The following INTS6L variants were observed in gnomAD, a reference collection of about 807,000 sequenced individuals.
INTS6L encodes the protein integrator complex subunit 6 like.
Under a neutral mutation model 64.7 loss-of-function variants are expected in INTS6L, and 18 were observed. That is an observed-to-expected ratio of 0.28 (90% CI 0.19 to 0.41). The LOEUF is 0.41. Among genes scored for constraint, INTS6L ranks in the 10% least tolerant of loss-of-function variants. The pLI, the probability that INTS6L is intolerant of heterozygous loss-of-function variation, is 1.00. For synonymous variants in INTS6L, 227 were observed against 235.9 expected (o/e 0.96, Z 0.34); for missense variants, 533 against 661.0 (o/e 0.81, Z 2.12).
chrX:135,529,175 C>T (rs1392646151), intron 2 of INTS6L, among the ~76,000 whole-genome samples: 1 of 112,121 alleles, frequency 8.9e-6, no homozygotes, highest in African/African-American at 3.2e-5. Flanking sequence ...TTCATACTTT[C>T]AGTGTTATTA....
At chrX:135,553,784 G>C (rs2086569422) in intron 8 of INTS6L, among the ~76,000 whole-genome samples, 2 of 111,362 alleles carry the variant, frequency 1.8e-5, no homozygotes, top group East Asian at 5.6e-4. Context: ...TGAATTTATG[G>C]GTTGAAAAAC....
At position 135,537,099 on chromosome X, in the gene INTS6L, A is replaced by C. The variant is rs1049985261; in HGVS notation, c.190-8324A>C. Among the ~76,000 whole-genome samples the C allele has an allele frequency of 6.3e-5, 7 of 111,893 alleles. No homozygotes were observed. In the East Asian group the frequency reaches 1.7e-3, roughly 27 times the overall value. On this transcript the variant is annotated intron_variant, in intron 2 of 17. Coordinates refer to ENST00000639893, the MANE Select transcript of INTS6L (RefSeq NM_001351601.3). Reference sequence around the variant, plus strand: ...CCAACCAGTCAGATGAGAAGGTGGAAATGTGGGTGCAGAGGGTAATAGAAA... The same window carrying C: ...CCAACCAGTCAGATGAGAAGGTGGACATGTGGGTGCAGAGGGTAATAGAAA...
intron 2 of INTS6L, among the ~76,000 whole-genome samples, chrX:135,523,402 CA>C (rs782434658): frequency 0.031 from 1,131 of 36,844 alleles, 23 homozygotes; most frequent in African/African-American, 0.13. Flanking sequence ...ACTCTGTCGT[CA>C]AAAAAAAAAA....
chrX:135,570,660 T>C (rs1556527144), intron 11 of INTS6L, 114 bp downstream of exon 11: 1 of 839,263 alleles, frequency 1.2e-6, no homozygotes, highest in Non-Finnish European at 1.6e-6. Flanking sequence ...CTCTACACTT[T>C]ATGGATTAGT....
At chrX:135,541,724 A>G (rs1168119384) in intron 2 of INTS6L, among the ~76,000 whole-genome samples, 12 of 112,707 alleles carry the variant, frequency 1.1e-4, no homozygotes, top group African/African-American at 3.9e-4. Context: ...GTAAGAATGT[A>G]TGGAAGTTAT....
Position 135,580,084 on chromosome X carries a change from A to T in INTS6L, c.2416A>T (p.Ile806Phe). The change falls in exon 16 of 18, where the codon ATC becomes TTC. Residue 806 changes from isoleucine to phenylalanine, a missense_variant. By Grantham distance (21) the Ile-to-Phe change is conservative. Coordinates refer to ENST00000639893, the MANE Select transcript of INTS6L (RefSeq NM_001351601.3). ...TLGAMPNTLQ[I>F]TPAMAQGINA... Reference sequence around the variant, plus strand: ...GGGAGCTATGCCAAATACATTACAAATCACTCCTGCTATGGCACAAGGAAT... The same window carrying T: ...GGGAGCTATGCCAAATACATTACAATTCACTCCTGCTATGGCACAAGGAAT... The T allele has an allele frequency of 3.3e-6, 4 of 1,208,765 alleles. No individual in the cohort carries two copies. Among genetic ancestry groups the T allele is most frequent in the Non-Finnish European group, 4.5e-6 (4 of 893,408 alleles).
At chrX:135,576,981 A>G (rs1305018630) in intron 14 of INTS6L, among the ~76,000 whole-genome samples, 1 of 111,559 alleles carries the variant, frequency 9.0e-6, no homozygotes, top group Non-Finnish European at 1.9e-5. Flanking sequence ...TATTTCTAAG[A>G]ACAAAGTTGG....
rs182407769 is a variant in INTS6L, at chrX:135,560,065, C to A, written c.1192+3765C>A. ...AGCCCTCTGACAGATAGGTGACTTG[C>A]AAATACTTATTTAGATCTTTTTTGA... is the stretch of plus-strand genomic sequence containing the variant. On this transcript the variant is annotated intron_variant, in intron 9 of 17. Coordinates refer to ENST00000639893, the MANE Select transcript of INTS6L (RefSeq NM_001351601.3). Among the ~76,000 whole-genome samples, 837 of 112,196 alleles carry A rather than the reference C, an allele frequency of 7.5e-3. 11 individuals carry two copies. Among genetic ancestry groups the A allele is most frequent in the African/African-American group, 0.026 (799 of 30,919 alleles).
In INTS6L at chrX:135,546,893, C is replaced by A; in HGVS notation, c.613+8C>A. 8.3e-7 allele frequency: 1 copy of A among 1,199,648 alleles called. No individual in the cohort carries two copies. Among genetic ancestry groups the A allele is most frequent in the African/African-American group, 1.7e-5 (1 of 57,387 alleles). On this transcript the variant is annotated splice_region_variant and intron_variant, in intron 5 of 17. Transcript: ENST00000639893. ...TGTGTGAAGTCACAGGAGGTATTGG[C>A]AATATTTAATGTTTCTGAAGGAAAA... is the stretch of plus-strand genomic sequence containing the variant.
intron 9 of INTS6L, among the ~76,000 whole-genome samples, chrX:135,566,062 G>T (rs1267834089): frequency 2.7e-5 from 3 of 111,777 alleles, no homozygotes; most frequent in Non-Finnish European, 5.6e-5. Context: ...ATTCTCTGGG[G>T]AGTTTGACAT....
At chrX:135,580,980 T>A in intron 16 of INTS6L, 70 bp from the exon 17 acceptor site, 1 of 740,435 alleles carries the variant, frequency 1.4e-6, no homozygotes, top group Non-Finnish European at 1.9e-6. Flanking sequence ...TTACTAAGGA[T>A]GTACAACAAT....
chrX:135,571,497 A>G (rs1459559598), intron 11 of INTS6L: 1 of 111,380 alleles, frequency 9.0e-6, no homozygotes, highest in Non-Finnish European at 1.9e-5. Flanking sequence ...TGGGATGCCG[A>G]CACACCTTGC....
At position 135,546,754 on chromosome X, in the gene INTS6L, C is replaced by A; in HGVS notation, c.482C>A (p.Pro161His). The A allele has an allele frequency of 8.3e-7, 1 of 1,211,153 alleles. No homozygotes were observed. The highest frequency in any genetic ancestry group is 1.1e-6 in the Non-Finnish European group (1 of 895,184). Residue 161 changes from proline to histidine, a missense_variant, in exon 5 of 18, where the codon CCT (proline) becomes CAT (histidine). Physicochemically the swap from Pro to His is moderately conservative, Grantham distance 77 (BLOSUM62 -2). Transcript: ENST00000639893. Reference sequence around the variant, plus strand: ...CCTGGAAGTGAACTAACCAAAGAACCTTTTCGTTGGGATCAAAGGTTATTT... The same window carrying A: ...CCTGGAAGTGAACTAACCAAAGAACATTTTCGTTGGGATCAAAGGTTATTT... ...PLPGSELTKE[P>H]FRWDQRLFAL...
chrX:135,559,997 G>C (rs1247651865), intron 9 of INTS6L, among the ~76,000 whole-genome samples: 1 of 112,060 alleles, frequency 8.9e-6, no homozygotes, highest in African/African-American at 3.2e-5. Flanking sequence ...GTTTGCTTTT[G>C]TTACTGTTGA....
intron 2 of INTS6L, among the ~76,000 whole-genome samples, chrX:135,536,937 T>C (rs1556508926): frequency 8.9e-6 from 1 of 111,845 alleles, no homozygotes; most frequent in Non-Finnish European, 1.9e-5. Context: ...GTTCACATAT[T>C]GACAGACCTA....
chrX:135,562,518 G>T (rs946632450), intron 9 of INTS6L, among the ~76,000 whole-genome samples: 3 of 111,940 alleles, frequency 2.7e-5, no homozygotes, highest in African/African-American at 9.7e-5. Flanking sequence ...AATTGTTCCT[G>T]TTGGTTGATG....
intron 2 of INTS6L, among the ~76,000 whole-genome samples, chrX:135,522,236 T>C (rs1037721356): frequency 8.9e-6 from 1 of 112,154 alleles, no homozygotes; most frequent in Admixed American, 9.4e-5. Flanking sequence ...AGGGATCCGC[T>C]CTACCTATTT....
At chrX:135,535,263 A>T (rs1369036572) in intron 2 of INTS6L, among the ~76,000 whole-genome samples, 1 of 112,039 alleles carries the variant, frequency 8.9e-6, no homozygotes, top group Non-Finnish European at 1.9e-5. Flanking sequence ...AACCTCCTTT[A>T]TAGGTGTGCT....
chrX:135,556,386 T>C (rs2086649855), intron 9 of INTS6L, 86 bp downstream of exon 9: 3 of 835,644 alleles, frequency 3.6e-6, no homozygotes, highest in Non-Finnish European at 4.8e-6. Context: ...TAAATGTAGA[T>C]GACGGTAACA....
Sources: allele counts gnomAD v4.1 joint callset (sites outside exome capture counted in the v4.1 genomes callset), GRCh38; gene constraint gnomAD v4.1.1; transcripts MANE v1.5; gene names NCBI Gene and HGNC (gene_info 2026-07-23, HGNC 2026-07-21).